Variants in ACTN4 observed in about 807,000 individuals in gnomAD.
ACTN4 encodes the protein alpha-actinin-4.
A neutral mutation model predicts 114.2 loss-of-function variants in ACTN4; 18 were observed. The observed-to-expected ratio is 0.16, with a 90% CI of 0.11 to 0.23. The LOEUF is 0.23. Among genes scored for constraint, ACTN4 ranks in the 10% least tolerant of loss-of-function variants. The pLI, the probability that ACTN4 is intolerant of heterozygous loss-of-function variation, is 1.00. For synonymous variants in ACTN4, 515 were observed against 506.3 expected, an observed-to-expected ratio of 1.02 and a Z score of -0.23; for missense variants, 722 against 1,262.9, an observed-to-expected ratio of 0.57 and a Z score of 6.49.
intron 1 of ACTN4, among the ~76,000 whole-genome samples, chr19:38,698,071 GA>G (rs1462606274): frequency 6.6e-6 from 1 of 152,168 alleles, no homozygotes; most frequent in Non-Finnish European, 1.5e-5. Flanking sequence ...GTTGCTACGG[GA>G]GAGGTGCTGA....
At chr19:38,680,476 G>A (rs1003079200) in intron 1 of ACTN4, among the ~76,000 whole-genome samples, 1 of 152,054 alleles carries the variant, frequency 6.6e-6, no homozygotes, top group Non-Finnish European at 1.5e-5. Flanking sequence ...GAGCCACTGC[G>A]CCCGGCCTCA....
intron 1 of ACTN4, among the ~76,000 whole-genome samples, chr19:38,696,687 A>G (rs902553484): frequency 1.3e-5 from 2 of 152,164 alleles, no homozygotes; most frequent in Non-Finnish European, 2.9e-5. Context: ...TCTGATGTCA[A>G]TAGATGCCCC....
intron 4 of ACTN4, 117 bp from the exon 5 acceptor site, chr19:38,705,927 C>T (rs1227387365): frequency 2.1e-6 from 2 of 948,440 alleles, no homozygotes; most frequent in Non-Finnish European, 3.4e-6. Flanking sequence ...GGACAGATAT[C>T]CTCTCCCCTT....
rs184208652 is a variant in ACTN4 at position 38,678,472 on chromosome 19, C to T, written c.163-22128C>T. On this transcript the variant is annotated intron_variant, in intron 1 of 20. Coordinates refer to ENST00000252699, the MANE Select transcript of ACTN4 (RefSeq NM_004924.6). ...CGTCTCCATTTATTGGGCTGAGCCT[C>T]GAGACCTGCAATACCAGGGAAGGAA... Among the ~76,000 whole-genome samples, 76 of 152,272 alleles carry T rather than the reference C, an allele frequency of 5.0e-4. 1 individual carries two copies. Among genetic ancestry groups the T allele is most frequent in the African/African-American group, 1.7e-3 (71 of 41,548 alleles).
intron 8 of ACTN4, 53 bp downstream of exon 8, chr19:38,710,395 G>T: frequency 6.4e-7 from 1 of 1,564,186 alleles, no homozygotes; most frequent in Non-Finnish European, 8.8e-7. Context: ...CAATGCCGCC[G>T]CTGCCTCTCG....
At chr19:38,708,673 G>T (rs2145025329) in intron 6 of ACTN4, among the ~76,000 whole-genome samples, 1 of 152,360 alleles carries the variant, frequency 6.6e-6, no homozygotes, top group African/African-American at 2.4e-5. Flanking sequence ...CAAAAATTGT[G>T]TCCAAAGCAA....
chr19:38,690,501 A>G (rs1291925243), intron 1 of ACTN4, among the ~76,000 whole-genome samples: 1 of 152,242 alleles, frequency 6.6e-6, no homozygotes, highest in African/African-American at 2.4e-5. Flanking sequence ...TAATAGAGCT[A>G]TAACACTCAC....
At chr19:38,690,579 C>T (rs1207672381) in intron 1 of ACTN4, among the ~76,000 whole-genome samples, 3 of 152,220 alleles carry the variant, frequency 2.0e-5, no homozygotes, top group African/African-American at 7.2e-5. Context: ...GAACAAAAGG[C>T]TTGCTGCCAT....
At chr19:38,676,893 G>A (rs1278329147) in intron 1 of ACTN4, among the ~76,000 whole-genome samples, 1 of 152,106 alleles carries the variant, frequency 6.6e-6, no homozygotes, top group African/African-American at 2.4e-5. Context: ...TCTTCACATA[G>A]GGGCCAAAGA....
In ACTN4 at chr19:38,647,853, C is replaced by A; in HGVS notation, c.108C>A (p.Asp36Glu). 6.5e-7 allele frequency: 1 copy of A among 1,543,544 alleles called. No individual in the cohort carries two copies. Among genetic ancestry groups the A allele is most frequent in the South Asian group, 1.2e-5 (1 of 83,800 alleles). ...TGGGCGACTACATGGCCCAGGAGGA[C>A]GACTGGGACCGGGACCTGCTGCTGG... ...GSMGDYMAQEDDWDRDLLLDP... is the reference protein window; with the variant it reads ...GSMGDYMAQEEDWDRDLLLDP... Residue 36 changes from aspartate to glutamate, a missense_variant, in exon 1 of 21, where the codon GAC (aspartate) becomes GAA (glutamate). Asp to Glu is a conservative substitution (Grantham distance 45). This residue lies in a region of ACTN4 where 72 missense variants were observed against 75.6 expected (regional missense o/e 0.95). Transcript: ENST00000252699.
At chr19:38,697,694 A>G (rs537995337) in intron 1 of ACTN4, among the ~76,000 whole-genome samples, 12 of 152,352 alleles carry the variant, frequency 7.9e-5, no homozygotes, top group Non-Finnish European at 1.2e-4. Context: ...CCAGGTGCCT[A>G]GGTCTGGGCC....
Position 38,717,016 on chromosome 19 carries a change from A to T in ACTN4, c.913-70A>T. 1 of 1,505,250 alleles carries T rather than the reference A, an allele frequency of 6.6e-7. No individual in the cohort carries two copies. The highest frequency in any genetic ancestry group is 9.0e-7 in the Non-Finnish European group (1 of 1,105,184). 93.2% of individuals were successfully genotyped at this position (1,505,250 alleles called of 1,614,324 possible). ...AAGATCCAGATCCCATGTGCCCATA[A>T]GCTGGGGGGCAGCCCGTCAGCACTC... On this transcript the variant is annotated intron_variant, in intron 9 of 20. Transcript: ENST00000252699. This position sits in a 1 kb window ranked among gnomAD's most constrained non-coding sequence, Gnocchi z 4.0.
intron 5 of ACTN4, among the ~76,000 whole-genome samples, chr19:38,707,860 C>T (rs1228704816): frequency 1.3e-5 from 2 of 152,194 alleles, no homozygotes; most frequent in Non-Finnish European, 2.9e-5. Context: ...CCCCATCATA[C>T]AGATGTGGAA....
At chr19:38,710,106 T>C in intron 7 of ACTN4, 151 bp from the exon 8 acceptor site, 1 of 796,514 alleles carries the variant, frequency 1.3e-6, no homozygotes, top group Non-Finnish European at 2.2e-6. Flanking sequence ...AGGGAGGGGC[T>C]GAGGGTGTGG....
rs979236468 is a variant in ACTN4, at chr19:38,723,917, C to A, written c.1552-20C>A. 29 of 1,613,002 alleles carry A rather than the reference C, an allele frequency of 1.8e-5. No homozygotes were observed. The highest frequency in any genetic ancestry group is 2.3e-5 in the Non-Finnish European group (27 of 1,179,920). ...ACCTGCCTTCCCTCTGTCCCTGCCC[C>A]CTTCCCTCCCACACACTAGAAAACA... On this transcript the variant is annotated intron_variant, in intron 13 of 20. Transcript: ENST00000252699.
chr19:38,688,159 A>G (rs1379180957), intron 1 of ACTN4, among the ~76,000 whole-genome samples: 1 of 152,134 alleles, frequency 6.6e-6, no homozygotes, highest in Non-Finnish European at 1.5e-5. Context: ...CATAATTCCA[A>G]CATTTTTGGA....
intron 5 of ACTN4, among the ~76,000 whole-genome samples, chr19:38,706,540 A>G (rs1418739498): frequency 6.6e-6 from 1 of 152,034 alleles, no homozygotes; most frequent in African/African-American, 2.4e-5. Flanking sequence ...CAGCCTCCCA[A>G]GTAGCTGGGA....
intron 1 of ACTN4, among the ~76,000 whole-genome samples, chr19:38,692,999 G>T (rs1967979341): frequency 6.6e-6 from 1 of 152,204 alleles, no homozygotes; most frequent in Middle Eastern, 3.2e-3. Flanking sequence ...GGGTACCTGG[G>T]GTTGGGGCTG....
At chr19:38,665,318 T>G (rs1301773774) in intron 1 of ACTN4, among the ~76,000 whole-genome samples, 1 of 152,164 alleles carries the variant, frequency 6.6e-6, no homozygotes, top group Non-Finnish European at 1.5e-5. Context: ...TAAGCCTCAG[T>G]GTCCTTCTTT....
Sources: allele counts gnomAD v4.1 joint callset (sites outside exome capture counted in the v4.1 genomes callset), GRCh38; gene constraint gnomAD v4.1.1; regional missense constraint gnomAD v4.1.1; non-coding constraint Gnocchi (gnomAD v3.1); transcripts MANE v1.5; gene names NCBI Gene and HGNC (gene_info 2026-07-23, HGNC 2026-07-21).